The following CDH13 variants were observed in gnomAD, a reference collection of about 807,000 sequenced individuals.
CDH13 encodes cadherin-13.
Under a neutral mutation model 63.8 loss-of-function variants are expected in CDH13, and 24 were observed. The observed-to-expected ratio is 0.38, with a 90% CI of 0.27 to 0.53. The LOEUF is 0.53. Among genes scored for constraint, CDH13 ranks in the 20% least tolerant of loss-of-function variants. The probability of loss-of-function intolerance (pLI) is 0.85; values close to 1 mark genes in which losing one functional copy is unlikely to be tolerated. For missense variants in CDH13, 1,049 were observed against 903.1 expected, an observed-to-expected ratio of 1.16 and a Z score of -2.07; for synonymous variants, 503 against 355.3, an observed-to-expected ratio of 1.42 and a Z score of -4.67.
At chr16:83,397,815 C>A (rs1257975578) in intron 6 of CDH13, 1 of 152,192 alleles carries the variant, frequency 6.6e-6, no homozygotes, top group East Asian at 1.9e-4. Flanking sequence ...AACTGCAGTG[C>A]CTGGCAGTTT....
intron 3 of CDH13, among the ~76,000 whole-genome samples, chr16:83,099,090 A>C (rs1170172355): frequency 2.0e-5 from 3 of 152,160 alleles, no homozygotes; most frequent in Admixed American, 6.5e-5. Flanking sequence ...ACCCACACAC[A>C]CATACATAAA....
intron 7 of CDH13, among the ~76,000 whole-genome samples, chr16:83,569,382 T>A (rs1242332793): frequency 2.0e-5 from 3 of 152,208 alleles, no homozygotes; most frequent in African/African-American, 7.2e-5. Context: ...CAGGGCTATC[T>A]CTGACAAAAT....
In CDH13 at chr16:83,096,132, G is replaced by A. The variant is rs555458629; in HGVS notation, c.367-29253G>A. Among the ~76,000 whole-genome samples the A allele has an allele frequency of 2.7e-4, 41 of 152,274 alleles. 1 individual carries two copies. In the South Asian group the frequency reaches 6.0e-3, roughly 22 times the overall value. On this transcript the variant is annotated intron_variant, in intron 3 of 13. Coordinates refer to ENST00000567109, the MANE Select transcript of CDH13 (RefSeq NM_001257.5). Reference sequence around the variant, plus strand: ...ATGGTGGAAATATGTGGAGTTACAGGTACAACTCTGTAAGGGCATTAGCCT... The same window carrying A: ...ATGGTGGAAATATGTGGAGTTACAGATACAACTCTGTAAGGGCATTAGCCT...
At chr16:83,416,104 A>G (rs1408760472) in intron 6 of CDH13, among the ~76,000 whole-genome samples, 1 of 152,242 alleles carries the variant, frequency 6.6e-6, no homozygotes, top group Non-Finnish European at 1.5e-5. Flanking sequence ...ATACACTAAC[A>G]CTAACTGATC....
intron 6 of CDH13, among the ~76,000 whole-genome samples, chr16:83,352,933 C>T (rs547349069): frequency 6.6e-6 from 1 of 152,110 alleles, no homozygotes; most frequent in African/African-American, 2.4e-5. Context: ...ATGGCTTTGG[C>T]AACAATGTGG....
At chr16:83,191,508 C>CAGATATATAT (rs1464187204) in intron 4 of CDH13, among the ~76,000 whole-genome samples, 1 of 70,132 alleles carries the variant, frequency 1.4e-5, no homozygotes, top group African/African-American at 4.8e-5. Context: ...TATATATACA[C>CAGATATATAT]ACACACACAC....
intron 2 of CDH13, among the ~76,000 whole-genome samples, chr16:82,915,462 G>T (rs528626160): frequency 6.6e-6 from 1 of 152,150 alleles, no homozygotes. Flanking sequence ...AGACGCCAGA[G>T]TGCTTTACAA....
At chr16:82,694,652 C>G (rs983179820) in intron 1 of CDH13, among the ~76,000 whole-genome samples, 1 of 152,064 alleles carries the variant, frequency 6.6e-6, no homozygotes, top group African/African-American at 2.4e-5. Context: ...TTCATGTTAC[C>G]AAAATATTTC....
rs79936972 is a variant in CDH13 at position 83,314,359 on chromosome 16, A to C, written c.637-30503A>C. Among the ~76,000 whole-genome samples, 1,319 of 152,328 alleles carry C rather than the reference A, an allele frequency of 8.7e-3. 16 individuals carry two copies. Among genetic ancestry groups the C allele is most frequent in the East Asian group, 0.052 (268 of 5,186 alleles). ...ATAAATGTACAGGAGAAATATAAAA[A>C]TAATTTGGTATTTAAAACAAGACTA... is the stretch of plus-strand genomic sequence containing the variant. On this transcript the variant is annotated intron_variant, in intron 5 of 13. Transcript: ENST00000567109.
intron 3 of CDH13, among the ~76,000 whole-genome samples, chr16:83,035,716 C>T (rs902728969): frequency 7.2e-5 from 11 of 152,136 alleles, no homozygotes; most frequent in African/African-American, 2.7e-4. Context: ...GGCCTGTCTT[C>T]ATGGTGTTTC....
chr16:83,696,237 A>G (rs1224797828), intron 10 of CDH13, among the ~76,000 whole-genome samples: 2 of 152,164 alleles, frequency 1.3e-5, no homozygotes, highest in African/African-American at 4.8e-5. Context: ...TTGTTTTGCA[A>G]GAGAAAACAC....
intron 7 of CDH13, among the ~76,000 whole-genome samples, chr16:83,487,165 G>A (rs568538386): frequency 9.2e-5 from 14 of 152,150 alleles, no homozygotes; most frequent in East Asian, 1.9e-4. Flanking sequence ...GGCTTTCTCC[G>A]TGAAATCTCC....
chr16:82,708,514 C>T (rs758519284), intron 1 of CDH13, among the ~76,000 whole-genome samples: 3 of 152,210 alleles, frequency 2.0e-5, no homozygotes, highest in Non-Finnish European at 4.4e-5. Context: ...TGTCTCTCCA[C>T]CAGCTTCCTC....
At chr16:83,556,671 A>T (rs1318675687) in intron 7 of CDH13, among the ~76,000 whole-genome samples, 2 of 152,214 alleles carry the variant, frequency 1.3e-5, no homozygotes, top group African/African-American at 4.8e-5. Flanking sequence ...AGGGACCTGG[A>T]GAGAAACAGA....
intron 1 of CDH13, among the ~76,000 whole-genome samples, chr16:82,725,731 T>A (rs968700389): frequency 6.6e-6 from 1 of 152,160 alleles, no homozygotes; most frequent in Non-Finnish European, 1.5e-5. Context: ...GTAAACTGAT[T>A]TGAACACCAT....
chr16:82,638,537 C>T (rs1371839390), intron 1 of CDH13, among the ~76,000 whole-genome samples: 3 of 152,008 alleles, frequency 2.0e-5, no homozygotes, highest in East Asian at 3.8e-4. Flanking sequence ...TACTTTTCAC[C>T]CTATGCTCCA....
intron 5 of CDH13, among the ~76,000 whole-genome samples, chr16:83,231,493 A>G (rs1425088120): frequency 6.6e-6 from 1 of 152,194 alleles, no homozygotes; most frequent in African/African-American, 2.4e-5. Context: ...GAGTCCCCTC[A>G]TGGTTGATGT....
At chr16:83,040,692 A>G (rs1286655796) in intron 3 of CDH13, among the ~76,000 whole-genome samples, 4 of 152,316 alleles carry the variant, frequency 2.6e-5, no homozygotes, top group Admixed American at 6.5e-5. Context: ...TCCTTTGGCA[A>G]CACCCTCACA....
intron 1 of CDH13, among the ~76,000 whole-genome samples, chr16:82,672,123 TCTAA>T (rs1264282343): frequency 6.6e-6 from 1 of 152,220 alleles, no homozygotes; most frequent in African/African-American, 2.4e-5. Flanking sequence ...GATTTCAAAT[TCTAA>T]CTCAGTAACT....
Sources: gnomAD v4.1 joint callset for allele counts (sites outside exome capture counted in the v4.1 genomes callset) on GRCh38, gnomAD v4.1.1 for gene constraint, MANE v1.5 for transcripts, NCBI Gene and HGNC (gene_info 2026-07-23, HGNC 2026-07-21) for gene names.